Variants in PCDH7 observed in about 807,000 individuals in gnomAD.
PCDH7 encodes protocadherin-7.
Under a neutral mutation model 58.9 loss-of-function variants are expected in PCDH7, and 17 were observed. That is an observed-to-expected ratio of 0.29 (90% CI 0.20 to 0.43). The LOEUF (loss-of-function observed/expected upper bound fraction) is 0.43. Among genes scored for constraint, PCDH7 ranks in the 20% least tolerant of loss-of-function variants. The pLI is 1.00. For synonymous variants in PCDH7, 664 were observed against 616.4 expected, an observed-to-expected ratio of 1.08 and a Z score of -1.14; for missense variants, 1,274 against 1,441.0, an observed-to-expected ratio of 0.88 and a Z score of 1.88.
At chr4:30,830,761 C>G (rs1729669940) in intron 1 of PCDH7, among the ~76,000 whole-genome samples, 1 of 152,060 alleles carries the variant, frequency 6.6e-6, no homozygotes, top group Admixed American at 6.6e-5. Flanking sequence ...TCAACATGCC[C>G]ACAGATTTCT....
intron 3 of PCDH7, among the ~76,000 whole-genome samples, chr4:31,013,570 G>T (rs946763011): frequency 2.1e-5 from 3 of 141,858 alleles, no homozygotes; most frequent in Non-Finnish European, 4.5e-5. Context: ...CAGAGAAAGA[G>T]TATGTCCATA....
intron 1 of PCDH7, among the ~76,000 whole-genome samples, chr4:30,846,003 A>G (rs1402706344): frequency 6.6e-6 from 1 of 152,182 alleles, no homozygotes; most frequent in Non-Finnish European, 1.5e-5. Context: ...TCTTGGAATT[A>G]TTGGTAGTCT....
chr4:30,889,153 A>AAAAGC, intron 1 of PCDH7, among the ~76,000 whole-genome samples: 1 of 151,070 alleles, frequency 6.6e-6, no homozygotes, highest in Non-Finnish European at 1.5e-5. Flanking sequence ...AAAAAAAAAA[A>AAAAGC]AAAGCAAAAG....
chr4:30,995,188 C>T (rs1332092250), intron 3 of PCDH7, among the ~76,000 whole-genome samples: 1 of 151,964 alleles, frequency 6.6e-6, no homozygotes, highest in Non-Finnish European at 1.5e-5. Context: ...GACATTGGTG[C>T]TGACAGTTTA....
chr4:31,079,586 G>GTT (rs140967036), intron 3 of PCDH7, among the ~76,000 whole-genome samples: 10 of 145,860 alleles, frequency 6.9e-5, no homozygotes, highest in East Asian at 4.0e-4. Flanking sequence ...TTCATATACT[G>GTT]TTTTTTTTTT....
exon 2 of PCDH7, chr4:30,731,753 T>G (rs1393260316): frequency 1.3e-5 from 2 of 152,182 alleles, no homozygotes; most frequent in Non-Finnish European, 2.9e-5. Context: ...TGAATTTTAG[T>G]TGTATAAGCA....
Position 31,118,731 on chromosome 4 carries a change from T to C in PCDH7, c.*8-23742T>C, listed in dbSNP as rs531046315. 2.8e-4 allele frequency among the ~76,000 whole-genome samples: 43 copies of C among 152,294 alleles called. 1 individual carries two copies. The East Asian group carries it at 4.4e-3, about 16-fold the overall frequency. Reference sequence around the variant, plus strand: ...ACCTTCTAACCAATAGTGATACTTATGTAAGATACCTAAAACACTAACATA... The same window carrying C: ...ACCTTCTAACCAATAGTGATACTTACGTAAGATACCTAAAACACTAACATA... On this transcript the variant is annotated intron_variant, in intron 3 of 3. Coordinates refer to the PCDH7 transcript ENST00000509759.
chr4:30,740,376 A>C (rs1716899266), intron 1 of PCDH7, among the ~76,000 whole-genome samples: 1 of 152,192 alleles, frequency 6.6e-6, no homozygotes, highest in Non-Finnish European at 1.5e-5. Flanking sequence ...ACCTTATGCA[A>C]AACAAAAGAT....
intron 3 of PCDH7, among the ~76,000 whole-genome samples, chr4:31,052,379 C>A (rs1756826727): frequency 6.6e-6 from 1 of 152,118 alleles, no homozygotes; most frequent in African/African-American, 2.4e-5. Flanking sequence ...TATCACCATA[C>A]TATTGAACAA....
intron 3 of PCDH7, among the ~76,000 whole-genome samples, chr4:31,122,118 C>A (rs1389861097): frequency 6.6e-6 from 1 of 151,990 alleles, no homozygotes; most frequent in Admixed American, 6.6e-5. Context: ...TACTGTTTTC[C>A]AAATTTCATG....
At chr4:30,788,676 AAG>A (rs1723731184) in intron 1 of PCDH7, among the ~76,000 whole-genome samples, 1 of 152,112 alleles carries the variant, frequency 6.6e-6, no homozygotes, top group African/African-American at 2.4e-5. Flanking sequence ...ATGGAGAGAA[AAG>A]AGTTTATCTT....
chr4:30,948,870 G>A (rs1747027627), intron 2 of PCDH7, among the ~76,000 whole-genome samples: 1 of 152,130 alleles, frequency 6.6e-6, no homozygotes, highest in Non-Finnish European at 1.5e-5. Context: ...GACCAGAGGA[G>A]TTGAAAACTG....
At chr4:30,994,008 A>C (rs1320488422) in intron 3 of PCDH7, among the ~76,000 whole-genome samples, 5 of 152,170 alleles carry the variant, frequency 3.3e-5, no homozygotes, top group Non-Finnish European at 7.4e-5. Flanking sequence ...AGTGAAAAAG[A>C]CTGTATTATC....
intron 1 of PCDH7, among the ~76,000 whole-genome samples, chr4:30,787,783 G>A (rs138129256): frequency 1.1e-4 from 16 of 152,166 alleles, no homozygotes; most frequent in South Asian, 2.1e-4. Flanking sequence ...TTATGTGTGC[G>A]TGTACAAGTG....
At chr4:30,736,492 C>A (rs920015179), downstream of PCDH7, among the ~76,000 whole-genome samples, 30 of 150,238 alleles carry the variant, frequency 2.0e-4, no homozygotes, top group Admixed American at 1.1e-3. Context: ...GCACAAATGT[C>A]ATTTTAGTTT....
In PCDH7 at chr4:30,806,700, A is replaced by C. The variant is rs2109310245; in HGVS notation, c.70+82104A>C. On this transcript the variant is annotated intron_variant, in intron 1 of 3. Coordinates refer to the PCDH7 transcript ENST00000509759. ...TTCATATCTGCCTCCTTTTCATTTA[A>C]ATTTTATTTCAAATTCCATGTCTTG... 2.0e-5 allele frequency among the ~76,000 whole-genome samples: 3 copies of C among 150,990 alleles called. No individual in the cohort carries two copies. The South Asian group carries it at 6.3e-4, about 32-fold the overall frequency.
chr4:30,963,806 G>A (rs1351672381), intron 3 of PCDH7, among the ~76,000 whole-genome samples: 2 of 152,108 alleles, frequency 1.3e-5, no homozygotes, highest in Non-Finnish European at 2.9e-5. Flanking sequence ...GGGAAATTTT[G>A]ACATGAGTTA....
chr4:30,967,692 G>C (rs978382360), intron 3 of PCDH7, among the ~76,000 whole-genome samples: 1 of 152,040 alleles, frequency 6.6e-6, no homozygotes, highest in African/African-American at 2.4e-5. Flanking sequence ...GTTGACCTAC[G>C]TAAGCCTTCT....
At chr4:30,736,206 T>C (rs1030079433), downstream of PCDH7, among the ~76,000 whole-genome samples, 4 of 152,164 alleles carry the variant, frequency 2.6e-5, no homozygotes, top group Admixed American at 1.3e-4. Flanking sequence ...TTTTCACTGT[T>C]GGAAGAAACT....
Sources: gnomAD v4.1 joint callset for allele counts (sites outside exome capture counted in the v4.1 genomes callset) on GRCh38, gnomAD v4.1.1 for gene constraint, MANE v1.5 for transcripts, NCBI Gene and HGNC (gene_info 2026-07-23, HGNC 2026-07-21) for gene names.